The following EFNA2 variants were observed in gnomAD, a reference collection of about 807,000 sequenced individuals.
The protein encoded by EFNA2 is ephrin-A2.
A neutral mutation model predicts 19.7 loss-of-function variants in EFNA2; 18 were observed. The ratio of observed to expected loss-of-function variants is 0.91; its 90% confidence interval spans 0.63 to 1.35. The LOEUF is 1.35. Ranked by LOEUF, EFNA2 falls within the 40% of genes most tolerant of loss-of-function variation. EFNA2 has a pLI of 0.00. For synonymous variants in EFNA2, 187 were observed against 137.8 expected, an observed-to-expected ratio of 1.36 and a Z score of -2.50; for missense variants, 303 against 296.0, an observed-to-expected ratio of 1.02 and a Z score of -0.17.
At chr19:1,290,043 G>C (rs2081484238) in intron 1 of EFNA2, among the ~76,000 whole-genome samples, 1 of 151,996 alleles carries the variant, frequency 6.6e-6, no homozygotes, top group African/African-American at 2.4e-5. Flanking sequence ...GGGAGTCTGG[G>C]AGACCTGGGC....
At chr19:1,285,474 C>G (rs537562812), upstream of EFNA2, among the ~76,000 whole-genome samples, 3 of 152,316 alleles carry the variant, frequency 2.0e-5, no homozygotes, top group South Asian at 6.2e-4. The surrounding 1 kb of genome is among the most constrained non-coding windows in gnomAD (Gnocchi z 4.1). Context: ...TTGGCCAGCG[C>G]CCCTCTGAAA....
At position 1,298,607 on chromosome 19, in the gene EFNA2, C is replaced by T. The variant is rs775479724; in HGVS notation, c.511C>T (p.Arg171Trp). Reference sequence around the variant, plus strand: ...CTGCCTGCGACTGAAGGTGTACGTGCGGCCGACCAGTAAGTGCTCAGGGGG... The same window carrying T: ...CTGCCTGCGACTGAAGGTGTACGTGTGGCCGACCAGTAAGTGCTCAGGGGG... Reference protein sequence around the residue: ...RPCLRLKVYVRPTNETLYEAP... With the variant: ...RPCLRLKVYVWPTNETLYEAP... Residue 171 changes from arginine to tryptophan, a missense_variant, in exon 3 of 4, where the codon CGG becomes TGG. Transcript: ENST00000215368. The T allele has an allele frequency of 5.0e-6, 8 of 1,613,786 alleles. No individual in the cohort carries two copies. The highest frequency in any genetic ancestry group is 1.7e-5 in the Admixed American group (1 of 59,982).
At position 1,287,297 on chromosome 19, in the gene EFNA2, G is replaced by C. The variant is rs1340141692; in HGVS notation, c.140+989G>C. ...GGAGCCGGGGCTTTGGGGGTCCTGGGGCTCGGGAGGGAGTCAGCCCCAGCA... is the reference window on the plus strand; with the variant it reads ...GGAGCCGGGGCTTTGGGGGTCCTGGCGCTCGGGAGGGAGTCAGCCCCAGCA... On this transcript the variant is annotated intron_variant, in intron 1 of 3. Transcript: ENST00000215368. The surrounding 1 kb of genome is among the most constrained non-coding windows in gnomAD (Gnocchi z 6.2). Among the ~76,000 whole-genome samples, 2 of 152,178 alleles carry C rather than the reference G, an allele frequency of 1.3e-5. No individual in the cohort carries two copies. Among genetic ancestry groups the C allele is most frequent in the Non-Finnish European group, 2.9e-5 (2 of 68,012 alleles).
chr19:1,291,438 C>G (rs779106226), intron 1 of EFNA2, among the ~76,000 whole-genome samples: 1 of 152,232 alleles, frequency 6.6e-6, no homozygotes, highest in Admixed American at 6.5e-5. Flanking sequence ...GGGGACATCT[C>G]TTCCGTCCCT....
rs1252506660 is a variant in EFNA2 at position 1,301,417 on chromosome 19, A to G, written c.*1472A>G. 6.6e-6 allele frequency among the ~76,000 whole-genome samples: 1 copy of G among 151,854 alleles called. No homozygotes were observed. Among genetic ancestry groups the G allele is most frequent in the Non-Finnish European group, 1.5e-5 (1 of 67,994 alleles). ...TTCTGTATTTTTTTATAATAAAATGAGCATAAACCTCAAACGCGTGTGTCT... is the reference window on the plus strand; with the variant it reads ...TTCTGTATTTTTTTATAATAAAATGGGCATAAACCTCAAACGCGTGTGTCT... On this transcript the variant is annotated 3_prime_UTR_variant, in exon 4 of 4. Transcript: ENST00000215368.
rs1193113614 is a variant in EFNA2, at chr19:1,295,983, C to G, written c.454+125C>G. 1.3e-6 allele frequency: 1 copy of G among 757,454 alleles called. No homozygotes were observed. The highest frequency in any genetic ancestry group is 2.8e-5 in the South Asian group (1 of 36,000). 46.9% of individuals were successfully genotyped at this position (757,454 alleles called of 1,614,324 possible). On this transcript the variant is annotated intron_variant, in intron 2 of 3. Coordinates refer to ENST00000215368, the MANE Select transcript of EFNA2 (RefSeq NM_001405.4). The surrounding 1 kb of genome is among the most constrained non-coding windows in gnomAD (Gnocchi z 5.8). ...GGGCGGGGCAGCGCAGTGGGCGGGG[C>G]CGCGGTGTGGGGCCAGGGGGGAGTG...
chr19:1,284,583 G>A (rs1227019555), upstream of EFNA2, among the ~76,000 whole-genome samples: 8 of 152,324 alleles, frequency 5.3e-5, no homozygotes, highest in African/African-American at 7.2e-5. This position sits in a 1 kb window ranked among gnomAD's most constrained non-coding sequence, Gnocchi z 5.3. Context: ...CGCGTGGCCC[G>A]CTGGGGAATC....
In EFNA2 at chr19:1,296,744, C is replaced by T. The variant is rs892300453; in HGVS notation, c.454+886C>T. ...GTCCTCCCTGCCCCGCACCCACCCC[C>T]GCATCTCCCCGGGACCCATGCCAGG... On this transcript the variant is annotated intron_variant, in intron 2 of 3. Transcript: ENST00000215368. This position sits in a 1 kb window ranked among gnomAD's most constrained non-coding sequence, Gnocchi z 4.4. Among the ~76,000 whole-genome samples, 1 of 152,206 alleles carries T rather than the reference C, an allele frequency of 6.6e-6. No homozygotes were observed. The highest frequency in any genetic ancestry group is 2.4e-5 in the African/African-American group (1 of 41,450).
intron 1 of EFNA2, among the ~76,000 whole-genome samples, chr19:1,291,941 G>A (rs1016490965): frequency 2.0e-5 from 3 of 152,190 alleles, no homozygotes; most frequent in African/African-American, 7.2e-5. Context: ...TGAGTGTGGG[G>A]GGAAGGTGTG....
In EFNA2 at chr19:1,286,821, C is replaced by T. The variant is rs758727953; in HGVS notation, c.140+513C>T. Among the ~76,000 whole-genome samples, 11 of 152,244 alleles carry T rather than the reference C, an allele frequency of 7.2e-5. No individual in the cohort carries two copies. Among genetic ancestry groups the T allele is most frequent in the Non-Finnish European group, 1.5e-4 (10 of 68,024 alleles). On this transcript the variant is annotated intron_variant, in intron 1 of 3. Coordinates refer to ENST00000215368, the MANE Select transcript of EFNA2 (RefSeq NM_001405.4). The surrounding 1 kb of genome is among the most constrained non-coding windows in gnomAD (Gnocchi z 5.6). ...CTTGGGGAAGTTGGAGTGTCCCTCCCTCAGGACCCAGCATCTGCTTCACTC... is the reference window on the plus strand; with the variant it reads ...CTTGGGGAAGTTGGAGTGTCCCTCCTTCAGGACCCAGCATCTGCTTCACTC...
chr19:1,300,776 T>A lies in EFNA2; in HGVS notation c.*831T>A, dbSNP rs1410371534. On this transcript the variant is annotated 3_prime_UTR_variant, in exon 4 of 4. Coordinates refer to ENST00000215368, the MANE Select transcript of EFNA2 (RefSeq NM_001405.4). ...CACAGTCCCGCCGTGTCTTAGAAAC[T>A]GCTTTGGCCGATGCAAACAGCCCCC... 6.6e-6 allele frequency among the ~76,000 whole-genome samples: 1 copy of A among 152,152 alleles called. No homozygotes were observed. The highest frequency in any genetic ancestry group is 2.4e-5 in the African/African-American group (1 of 41,438).
upstream of EFNA2, among the ~76,000 whole-genome samples, chr19:1,285,353 C>T (rs1027229101): frequency 5.3e-5 from 8 of 152,196 alleles, no homozygotes; most frequent in Admixed American, 1.3e-4. The surrounding 1 kb of genome is among the most constrained non-coding windows in gnomAD (Gnocchi z 4.1). Flanking sequence ...CTCCCGGCAC[C>T]CTTAGGGCTG....
chr19:1,285,406 C>T (rs938151407), upstream of EFNA2, among the ~76,000 whole-genome samples: 1 of 152,166 alleles, frequency 6.6e-6, no homozygotes, highest in Non-Finnish European at 1.5e-5. This position sits in a 1 kb window ranked among gnomAD's most constrained non-coding sequence, Gnocchi z 4.1. Flanking sequence ...AGCGTGGGTC[C>T]GGAGAGGCGA....
Position 1,295,933 on chromosome 19 carries a change from G to A in EFNA2, c.454+75G>A, listed in dbSNP as rs972048137. The A allele has an allele frequency of 1.1e-4, 70 of 637,710 alleles. No homozygotes were observed. Among genetic ancestry groups the A allele is most frequent in the African/African-American group, 7.2e-4 (34 of 47,298 alleles). 39.5% of individuals were successfully genotyped at this position (637,710 alleles called of 1,614,324 possible). ...GGGGGCGGGGCCAGGAAGTGGGCGG[G>A]ACCACTGGGGTGGGGCCGGGGAGTG... On this transcript the variant is annotated intron_variant, in intron 2 of 3. Transcript: ENST00000215368. This position sits in a 1 kb window ranked among gnomAD's most constrained non-coding sequence, Gnocchi z 5.8.
At chr19:1,285,416 ACTCCCAGGAGGGC>A (rs1340238234), upstream of EFNA2, among the ~76,000 whole-genome samples, 2 of 151,664 alleles carry the variant, frequency 1.3e-5, no homozygotes, top group Non-Finnish European at 2.9e-5. The surrounding 1 kb of genome is among the most constrained non-coding windows in gnomAD (Gnocchi z 4.1). Context: ...CGGAGAGGCG[ACTCCCAGGAGGGC>A]CCCAGGGAGG....
chr19:1,292,315 G>C (rs1219348710), intron 1 of EFNA2, among the ~76,000 whole-genome samples: 1 of 152,246 alleles, frequency 6.6e-6, no homozygotes, highest in Non-Finnish European at 1.5e-5. Flanking sequence ...GCCGGGGGTG[G>C]GGGTTCCCCT....
intron 3 of EFNA2, 87 bp downstream of exon 3, chr19:1,298,703 G>T: frequency 6.8e-7 from 1 of 1,463,714 alleles, no homozygotes. Flanking sequence ...GAAGAGCCAG[G>T]ACAGGGGGCC....
At position 1,294,293 on chromosome 19, in the gene EFNA2, G is replaced by GCTCCTGCC. The variant is rs2081504345; in HGVS notation, c.141-1251_141-1244dup. 6.6e-6 allele frequency among the ~76,000 whole-genome samples: 1 copy of GCTCCTGCC among 152,226 alleles called. No individual in the cohort carries two copies. Among genetic ancestry groups the GCTCCTGCC allele is most frequent in the African/African-American group, 2.4e-5 (1 of 41,458 alleles). On this transcript the variant is annotated intron_variant, in intron 1 of 3. Coordinates refer to ENST00000215368, the MANE Select transcript of EFNA2 (RefSeq NM_001405.4). This position sits in a 1 kb window ranked among gnomAD's most constrained non-coding sequence, Gnocchi z 5.8. ...GGGACCACAGCCGGGAGATCTAAGG[G>GCTCCTGCC]CTCCTGCCGCCATCGCCCGAGGCAG...
upstream of EFNA2, among the ~76,000 whole-genome samples, chr19:1,285,692 C>A (rs1457726327): frequency 2.0e-5 from 3 of 150,958 alleles, no homozygotes; most frequent in Admixed American, 6.6e-5. This position sits in a 1 kb window ranked among gnomAD's most constrained non-coding sequence, Gnocchi z 4.1. Flanking sequence ...ACGCGGATGC[C>A]GGCGGGGGGC....
Sources: allele counts gnomAD v4.1 joint callset (sites outside exome capture counted in the v4.1 genomes callset), GRCh38; gene constraint gnomAD v4.1.1; non-coding constraint Gnocchi (gnomAD v3.1); transcripts MANE v1.5; gene names NCBI Gene and HGNC (gene_info 2026-07-23, HGNC 2026-07-21).